DDX10: variants seen among roughly 807,000 people sequenced by gnomAD.
The protein encoded by DDX10 is DEAD-box helicase 10.
Under a neutral mutation model 104.3 loss-of-function variants are expected in DDX10, and 74 were observed. The ratio of observed to expected loss-of-function variants is 0.71; its 90% CI spans 0.59 to 0.86. The LOEUF is 0.86. DDX10 is among the 40% of genes least tolerant of loss of function. The probability of loss-of-function intolerance (pLI) is 0.00; values close to 1 mark genes in which losing one functional copy is unlikely to be tolerated. For missense variants in DDX10, 952 were observed against 1,040.0 expected (o/e 0.92, Z 1.16); for synonymous variants, 351 against 353.4 (o/e 0.99, Z 0.08).
intron 13 of DDX10, among the ~76,000 whole-genome samples, chr11:108,745,126 CCCCTTCT>C (rs1470421104): frequency 1.7e-5 from 2 of 115,326 alleles, no homozygotes; most frequent in East Asian, 3.1e-4. Flanking sequence ...CCTTCCTCTT[CCCCTTCT>C]CCCTTCTCCT....
intron 10 of DDX10, 25 bp from the exon 11 acceptor site, chr11:108,715,854 T>G: frequency 8.1e-7 from 1 of 1,234,412 alleles, no homozygotes; most frequent in Non-Finnish European, 1.2e-6. Flanking sequence ...TATCTTATTT[T>G]AACCTTTATC....
chr11:108,719,733 T>C (rs578033175), intron 11 of DDX10, 64 bp from the exon 12 acceptor site: 2 of 958,842 alleles, frequency 2.1e-6, no homozygotes, highest in South Asian at 1.5e-5. Context: ...AATTTTCTTA[T>C]ATTTTGGTCT....
At chr11:108,807,086 G>C (rs1013830451) in intron 13 of DDX10, among the ~76,000 whole-genome samples, 4 of 152,136 alleles carry the variant, frequency 2.6e-5, no homozygotes, top group Non-Finnish European at 5.9e-5. Flanking sequence ...CTGGGGTGCT[G>C]GATATTGTGG....
intron 13 of DDX10, among the ~76,000 whole-genome samples, chr11:108,760,374 T>C (rs2094349322): frequency 6.6e-6 from 1 of 152,036 alleles, no homozygotes; most frequent in African/African-American, 2.4e-5. Context: ...GGGAAGGACA[T>C]GGAAATGCTA....
intron 13 of DDX10, among the ~76,000 whole-genome samples, chr11:108,779,447 A>T (rs1177563337): frequency 6.6e-6 from 1 of 152,150 alleles, no homozygotes; most frequent in Non-Finnish European, 1.5e-5. Context: ...CAGAAAACCA[A>T]ACACCACATG....
chr11:108,697,887 A>G (rs1350084834), intron 9 of DDX10, among the ~76,000 whole-genome samples: 1 of 152,052 alleles, frequency 6.6e-6, no homozygotes, highest in Admixed American at 6.6e-5. Flanking sequence ...TGGGGAGGGT[A>G]GGGGAGGGTT....
At chr11:108,738,364 C>T (rs1461181842) in intron 13 of DDX10, among the ~76,000 whole-genome samples, 3 of 151,480 alleles carry the variant, frequency 2.0e-5, no homozygotes, top group African/African-American at 7.3e-5. Flanking sequence ...TCTACTTACT[C>T]ATATGTGTTT....
intron 17 of DDX10, among the ~76,000 whole-genome samples, chr11:108,925,403 G>A (rs1461239462): frequency 3.3e-5 from 5 of 152,146 alleles, no homozygotes; most frequent in Non-Finnish European, 7.3e-5. Context: ...GAAGCGCCAG[G>A]ATCTCTAAGA....
At chr11:108,720,540 T>C (rs2094296946) in intron 12 of DDX10, among the ~76,000 whole-genome samples, 2 of 152,222 alleles carry the variant, frequency 1.3e-5, no homozygotes, top group African/African-American at 4.8e-5. Context: ...TAACTGAGGT[T>C]ACTATTGTAT....
intron 13 of DDX10, among the ~76,000 whole-genome samples, chr11:108,808,252 A>G (rs1397679832): frequency 1.3e-5 from 2 of 150,870 alleles, no homozygotes; most frequent in South Asian, 2.1e-4. Flanking sequence ...GTTGAAAACC[A>G]TGTGTTGGGG....
At chr11:108,790,539 G>A (rs190426407) in intron 13 of DDX10, among the ~76,000 whole-genome samples, 3 of 152,012 alleles carry the variant, frequency 2.0e-5, no homozygotes, top group Non-Finnish European at 4.4e-5. Context: ...TTCTCCTCTC[G>A]TTTTCTGTTT....
intron 9 of DDX10, among the ~76,000 whole-genome samples, chr11:108,700,215 T>G (rs2094265771): frequency 6.6e-6 from 1 of 152,214 alleles, no homozygotes. Flanking sequence ...ACGAATGGAC[T>G]GTGGTTTAGC....
chr11:108,823,803 T>C (rs1480949798), intron 13 of DDX10, among the ~76,000 whole-genome samples: 1 of 152,228 alleles, frequency 6.6e-6, no homozygotes, highest in African/African-American at 2.4e-5. Context: ...GCTTTTCTTA[T>C]AGGTATTGGA....
At chr11:108,668,266 A>G (rs906059999) in intron 1 of DDX10, among the ~76,000 whole-genome samples, 1 of 152,242 alleles carries the variant, frequency 6.6e-6, no homozygotes, top group Non-Finnish European at 1.5e-5. Context: ...TAAACAGCTA[A>G]GAAGTGAAAA....
intron 5 of DDX10, 122 bp from the exon 6 acceptor site, chr11:108,679,249 G>A (rs2094231027): frequency 1.2e-6 from 1 of 808,438 alleles, no homozygotes; most frequent in Admixed American, 2.7e-5. Context: ...CTTTATTCAG[G>A]TTTTACCAGT....
intron 6 of DDX10, among the ~76,000 whole-genome samples, chr11:108,686,974 A>T (rs1050278352): frequency 6.6e-6 from 1 of 151,722 alleles, no homozygotes; most frequent in African/African-American, 2.4e-5. Flanking sequence ...TTTAGTAGAG[A>T]TGGGGTCTCA....
chr11:108,706,942 G>T, intron 10 of DDX10, 105 bp downstream of exon 10: 1 of 897,468 alleles, frequency 1.1e-6, no homozygotes, highest in African/African-American at 1.7e-5. Flanking sequence ...TTATTCAACT[G>T]CCTGGTTTGA....
At chr11:108,863,873 A>AT (rs1862972483) in intron 16 of DDX10, among the ~76,000 whole-genome samples, 1 of 152,178 alleles carries the variant, frequency 6.6e-6, no homozygotes, top group Admixed American at 6.5e-5. Flanking sequence ...GCTAGATCAG[A>AT]TTTTGGGCTT....
intron 13 of DDX10, among the ~76,000 whole-genome samples, chr11:108,796,817 T>C (rs562306108): frequency 2.7e-4 from 41 of 152,216 alleles, no homozygotes; most frequent in Admixed American, 2.4e-3. Flanking sequence ...CCGTCATGAA[T>C]GGATTAATGC....
Sources: gnomAD v4.1 joint callset for allele counts (sites outside exome capture counted in the v4.1 genomes callset) on GRCh38, gnomAD v4.1.1 for gene constraint, MANE v1.5 for transcripts, NCBI Gene and HGNC (gene_info 2026-07-23, HGNC 2026-07-21) for gene names.